The following TTBK1 variants were observed in gnomAD, a reference collection of about 807,000 sequenced individuals.
The protein encoded by TTBK1 is tau tubulin kinase 1, also known as tau-tubulin kinase 1.
A neutral mutation model predicts 108.5 loss-of-function variants in TTBK1; 34 were observed. The ratio of observed to expected loss-of-function variants is 0.31; its 90% CI spans 0.24 to 0.42. TTBK1 has a LOEUF of 0.42. TTBK1 is among the 10% of genes least tolerant of loss of function. TTBK1 has a pLI of 1.00. For missense variants in TTBK1, 1,539 were observed against 1,826.0 expected (o/e 0.84, Z 2.86); for synonymous variants, 809 against 795.1 (o/e 1.02, Z -0.29).
At chr6:43,271,007 G>C (rs936155022) in intron 13 of TTBK1, 1 of 985,416 alleles carries the variant, frequency 1.0e-6, no homozygotes, top group Non-Finnish European at 1.2e-6. Context: ...CTTGGGAGTG[G>C]GGAAGTGTCA....
chr6:43,263,103 A>G lies in TTBK1; in HGVS notation c.1739A>G (p.Glu580Gly), dbSNP rs200516569. 1.9e-6 allele frequency: 3 copies of G among 1,569,434 alleles called. No homozygotes were observed. Among genetic ancestry groups the G allele is most frequent in the East Asian group, 4.7e-5 (2 of 42,536 alleles). ...GAGGAGCTGCGGCCACTGCCCGAGG[A>G]GGGCGAAGAGCGGCGGCGGCTGGGG... Reference protein sequence around the residue: ...EPEELRPLPEEGEERRRLGAE... With the variant: ...EPEELRPLPEGGEERRRLGAE... Residue 580 changes from glutamate (E) to glycine (G), a missense_variant, in exon 13 of 15, where the codon GAG (glutamate) becomes GGG (glycine). Glu to Gly is a moderately conservative substitution (Grantham distance 98). This residue lies in a region of TTBK1 where 1,055 missense variants were observed against 1,086.5 expected (regional missense o/e 0.97). Coordinates refer to ENST00000259750, the MANE Select transcript of TTBK1 (RefSeq NM_032538.3). The surrounding 1 kb of genome is among the most constrained non-coding windows in gnomAD (Gnocchi z 4.7).
rs1417198332 is a variant in TTBK1, at chr6:43,276,702, C to T, written c.1987-6025C>T. On this transcript the variant is annotated intron_variant, in intron 13 of 14. Coordinates refer to ENST00000259750, the MANE Select transcript of TTBK1 (RefSeq NM_032538.3). This position sits in a 1 kb window ranked among gnomAD's most constrained non-coding sequence, Gnocchi z 5.4. ...CTGCTTTCTTTCACCCTCCCCCTTC[C>T]TTTCCCAGCTCTCAGTGTAGACCCT... is the stretch of plus-strand genomic sequence containing the variant. Among the ~76,000 whole-genome samples, 1 of 152,268 alleles carries T rather than the reference C, an allele frequency of 6.6e-6. No homozygotes were observed. Among genetic ancestry groups the T allele is most frequent in the Non-Finnish European group, 1.5e-5 (1 of 68,046 alleles).
chr6:43,253,359 C>T lies in TTBK1; in HGVS notation c.325C>T (p.Leu109Phe). The T allele has an allele frequency of 1.2e-6, 2 of 1,614,108 alleles. No homozygotes were observed. The highest frequency in any genetic ancestry group is 1.1e-5 in the South Asian group (1 of 91,082). Residue 109 changes from leucine (L) to phenylalanine (F), a missense_variant, in exon 4 of 15, where the codon CTC becomes TTC. Transcript: ENST00000259750. The surrounding 1 kb of genome is among the most constrained non-coding windows in gnomAD (Gnocchi z 5.8). ...NEKFNYVVMQ[L>F]QGRNLADLRR... ...GAAGTTTAACTATGTAGTGATGCAG[C>T]TCCAGGTGAGTCCCCGTGGCCCATC...
chr6:43,267,064 CCACT>C (rs1368727908), intron 13 of TTBK1, among the ~76,000 whole-genome samples: 1 of 139,304 alleles, frequency 7.2e-6, no homozygotes, highest in Non-Finnish European at 1.5e-5. Flanking sequence ...CTGTGCATAC[CCACT>C]GTCTGGGCCA....
In TTBK1 at chr6:43,285,118, C is replaced by G. The variant is rs768943101; in HGVS notation, c.3708C>G (p.Pro1236=). The change falls in exon 15 of 15, where the codon CCC becomes CCG. Residue 1236 remains proline (P), a synonymous_variant. Transcript: ENST00000259750. The surrounding 1 kb of genome is among the most constrained non-coding windows in gnomAD (Gnocchi z 4.7). ...RPPAPRSPRL[P]ASTSAARNAS... ...CAGCGCCGCGCAGCCCGCGCCTCCC[C>G]GCGTCCACATCCGCCGCGCGCAATG... is the stretch of plus-strand genomic sequence containing the variant. The G allele has an allele frequency of 2.0e-6, 3 of 1,469,014 alleles. No individual in the cohort carries two copies. Among genetic ancestry groups the G allele is most frequent in the South Asian group, 2.7e-5 (2 of 75,348 alleles). The allele number at this position is 1,469,014 out of a possible 1,614,324, so 91.0% of individuals were successfully genotyped here.
At chr6:43,275,922 G>A (rs1777972512) in intron 13 of TTBK1, among the ~76,000 whole-genome samples, 1 of 152,144 alleles carries the variant, frequency 6.6e-6, no homozygotes, top group Non-Finnish European at 1.5e-5. Flanking sequence ...GGCCCTCAGA[G>A]TTCTCAGTGT....
rs1476805160 is a variant in TTBK1, at chr6:43,285,474, G to A, written c.*98G>A. On this transcript the variant is annotated 3_prime_UTR_variant, in exon 15 of 15. Coordinates refer to ENST00000259750, the MANE Select transcript of TTBK1 (RefSeq NM_032538.3). The surrounding 1 kb of genome is among the most constrained non-coding windows in gnomAD (Gnocchi z 4.7). ...GCTCCCAGCACAGCCTTACGCGCCCGACGCGCGCCACCCGCGGCCCCAGCT... is the reference window on the plus strand; with the variant it reads ...GCTCCCAGCACAGCCTTACGCGCCCAACGCGCGCCACCCGCGGCCCCAGCT... 9.1e-5 allele frequency: 110 copies of A among 1,209,752 alleles called. No individual in the cohort carries two copies. Among genetic ancestry groups the A allele is most frequent in the Non-Finnish European group, 1.1e-4 (108 of 977,912 alleles). 74.9% of individuals were successfully genotyped at this position (1,209,752 alleles called of 1,614,324 possible).
intron 2 of TTBK1, 101 bp from the exon 3 acceptor site, chr6:43,252,638 A>T: frequency 7.4e-7 from 1 of 1,350,256 alleles, no homozygotes. Flanking sequence ...AAAAAAAGAT[A>T]CCCCCCTTCC....
At chr6:43,244,755 G>A (rs2651205) in intron 1 of TTBK1, among the ~76,000 whole-genome samples, 19,587 of 152,082 alleles carry the variant, frequency 0.13, 1,310 homozygotes, top group African/African-American at 0.17. Context: ...ACTGTCCCAG[G>A]ACTGGAAAGC....
chr6:43,283,972 C>G lies in TTBK1; in HGVS notation c.3232C>G (p.Arg1078Gly), dbSNP rs774148264. 4 of 1,611,170 alleles carry G rather than the reference C, an allele frequency of 2.5e-6. No homozygotes were observed. The highest frequency in any genetic ancestry group is 3.4e-6 in the Non-Finnish European group (4 of 1,178,504). The change falls in exon 14 of 15, where the codon CGG becomes GGG. Residue 1078 changes from arginine (R) to glycine (G), a missense_variant. Physicochemically the swap from Arg to Gly is moderately radical, Grantham distance 125. Around this residue, in one of 5 missense-constraint regions of TTBK1, gnomAD observed 1,055 missense variants for 1,086.5 expected, o/e 0.97. Coordinates refer to ENST00000259750, the MANE Select transcript of TTBK1 (RefSeq NM_032538.3). This position sits in a 1 kb window ranked among gnomAD's most constrained non-coding sequence, Gnocchi z 8.1. ...CTCAGGCTCACTGTCGGCCAAAGAG[C>G]GGTGGAGCAAGCGGGCTCGGCCGCA... is the stretch of plus-strand genomic sequence containing the variant. ...EPSGSLSAKE[R>G]WSKRARPQQD...
At chr6:43,270,181 G>A in intron 13 of TTBK1, 2 of 1,345,594 alleles carry the variant, frequency 1.5e-6, no homozygotes, top group Non-Finnish European at 1.9e-6. Flanking sequence ...CCAGCCAAAT[G>A]GTGCAGGGAG....
intron 12 of TTBK1, among the ~76,000 whole-genome samples, chr6:43,261,002 C>T (rs1353369817): frequency 6.6e-6 from 1 of 152,110 alleles, no homozygotes. Flanking sequence ...CACCCTTTCT[C>T]CCCTTTACAT....
At chr6:43,262,096 G>T (rs1728986866) in intron 12 of TTBK1, among the ~76,000 whole-genome samples, 1 of 151,836 alleles carries the variant, frequency 6.6e-6, no homozygotes, top group Admixed American at 6.5e-5. Context: ...GAGGTCCTGT[G>T]GGGAGAGGCT....
In TTBK1 at chr6:43,269,967, T is replaced by C. The variant is rs1349998577; in HGVS notation, c.1986+6617T>C. Reference sequence around the variant, plus strand: ...CAAGACCTAGGCTGGGCCCCCCCCCTCCTGGAGGGGGCAGGTGGGGGGGGG... The same window carrying C: ...CAAGACCTAGGCTGGGCCCCCCCCCCCCTGGAGGGGGCAGGTGGGGGGGGG... On this transcript the variant is annotated intron_variant, in intron 13 of 14. Transcript: ENST00000259750. The surrounding 1 kb of genome is among the most constrained non-coding windows in gnomAD (Gnocchi z 4.8). 1.4e-6 allele frequency: 2 copies of C among 1,426,434 alleles called. No homozygotes were observed. 88.4% of individuals were successfully genotyped at this position (1,426,434 alleles called of 1,614,324 possible).
chr6:43,259,044 C>T lies in TTBK1; in HGVS notation c.1023C>T (p.Val341=). The change falls in exon 11 of 15, where the codon GTC becomes GTT. Residue 341 remains valine, a synonymous_variant. Coordinates refer to ENST00000259750, the MANE Select transcript of TTBK1 (RefSeq NM_032538.3). The surrounding 1 kb of genome is among the most constrained non-coding windows in gnomAD (Gnocchi z 6.7). ...TRQTAAMFGV[V]NVTPVPGDLL... is the part of the protein sequence containing the mutation. ...TCCCTCCTGCCCTCTCCAGGGTGGT[C>T]AATGTGACGCCAGTGCCTGGGGACC... 1.9e-6 allele frequency: 3 copies of T among 1,611,160 alleles called. No homozygotes were observed. Among genetic ancestry groups the T allele is most frequent in the Non-Finnish European group, 2.5e-6 (3 of 1,178,350 alleles).
intron 13 of TTBK1, among the ~76,000 whole-genome samples, chr6:43,278,583 C>A (rs1778069918): frequency 1.3e-5 from 2 of 152,088 alleles, no homozygotes; most frequent in African/African-American, 4.8e-5. Context: ...GGCCTGGGAA[C>A]CACAATAAGC....
intron 13 of TTBK1, chr6:43,271,362 A>T: frequency 2.0e-6 from 2 of 985,404 alleles, no homozygotes; most frequent in Non-Finnish European, 2.4e-6. Context: ...GTGTAATTCC[A>T]GGAAGTGCCA....
chr6:43,249,234 CA>C (rs1777176411), intron 2 of TTBK1, among the ~76,000 whole-genome samples: 1 of 152,096 alleles, frequency 6.6e-6, no homozygotes, highest in Admixed American at 6.5e-5. Flanking sequence ...AAACTCACCC[CA>C]GGTCACCCAG....
Position 43,263,401 on chromosome 6 carries a change from G to A in TTBK1, c.1986+51G>A, listed in dbSNP as rs1396574251. ...CCCATCTCCAGATGCCCAGAGTCCT[G>A]GTGTGTAGGCCTGGGGTGCTCCATG... On this transcript the variant is annotated intron_variant, in intron 13 of 14. Transcript: ENST00000259750. This position sits in a 1 kb window ranked among gnomAD's most constrained non-coding sequence, Gnocchi z 4.7. The A allele has an allele frequency of 1.4e-6, 2 of 1,435,634 alleles. No individual in the cohort carries two copies. Among genetic ancestry groups the A allele is most frequent in the African/African-American group, 2.9e-5 (2 of 69,208 alleles). 88.9% of individuals were successfully genotyped at this position (1,435,634 alleles called of 1,614,324 possible).
Sources: gnomAD v4.1 joint callset for allele counts (sites outside exome capture counted in the v4.1 genomes callset) on GRCh38, gnomAD v4.1.1 for gene constraint, gnomAD v4.1.1 regional missense constraint, Gnocchi (gnomAD v3.1) non-coding constraint, MANE v1.5 for transcripts, NCBI Gene and HGNC (gene_info 2026-07-23, HGNC 2026-07-21) for gene names.